LEMD3: variants seen among roughly 807,000 people sequenced by gnomAD.
The protein encoded by LEMD3 is LEM domain containing 3.
In LEMD3, 33 loss-of-function variants were observed where a neutral mutation model predicts 95.2. The observed-to-expected ratio is 0.35, with a 90% confidence interval of 0.26 to 0.46. The LOEUF (loss-of-function observed/expected upper bound fraction) is 0.46, where lower values mean the gene tolerates loss of function less well. LEMD3 is among the 20% of genes least tolerant of loss of function. The pLI is 1.00. For missense variants in LEMD3, 1,210 were observed against 1,192.8 expected (o/e 1.01, Z -0.21); for synonymous variants, 525 against 474.6 (o/e 1.11, Z -1.38).
chr12:65,214,808 G>A (rs1160652467), intron 2 of LEMD3, among the ~76,000 whole-genome samples: 1 of 152,098 alleles, frequency 6.6e-6, no homozygotes, highest in Non-Finnish European at 1.5e-5. Flanking sequence ...AGTGCAATAA[G>A]CTATTACCCC....
Position 65,170,139 on chromosome 12 carries a change from G to C in LEMD3, c.543G>C (p.Glu181Asp), listed in dbSNP as rs868042374. The change falls in exon 1 of 13, where the codon GAG becomes GAC. Residue 181 changes from glutamate (E) to aspartate (D), a missense_variant. Physicochemically the swap from Glu to Asp is conservative, Grantham distance 45 (BLOSUM62 2). This residue lies in a region of LEMD3 where 749 missense variants were observed against 622.9 expected (regional missense o/e 1.20). Transcript: ENST00000308330. ...CGCCGGCGCCCCTGGCCGCCAGCGA[G>C]GTGACTAACAGCAACTCTGCAGAGC... ...KAPPAPLAAS[E>D]VTNSNSAERR... 8 of 1,470,688 alleles carry C rather than the reference G, an allele frequency of 5.4e-6. No homozygotes were observed. Among genetic ancestry groups the C allele is most frequent in the Non-Finnish European group, 7.2e-6 (8 of 1,116,512 alleles). The allele number at this position is 1,470,688 out of a possible 1,614,324, so 91.1% of individuals were successfully genotyped here.
Position 65,246,942 on chromosome 12 carries a change from A to G in LEMD3, c.*617A>G, listed in dbSNP as rs1211289114. The G allele has an allele frequency of 6.5e-6, 1 of 154,582 alleles. No individual in the cohort carries two copies. Among genetic ancestry groups the G allele is most frequent in the African/African-American group, 2.4e-5 (1 of 41,442 alleles). 9.6% of individuals were successfully genotyped at this position (154,582 alleles called of 1,614,324 possible). The stretch of plus-strand genomic sequence containing the variant: ...GTGGTGGTGAAAGTAGTCTTGTTTT[A>G]TGAGGATGTCTGCATTAAAGCAGTA... On this transcript the variant is annotated 3_prime_UTR_variant, in exon 13 of 13. Coordinates refer to ENST00000308330, the MANE Select transcript of LEMD3 (RefSeq NM_014319.5).
At chr12:65,176,466 T>G (rs1046033353) in intron 1 of LEMD3, among the ~76,000 whole-genome samples, 1 of 152,212 alleles carries the variant, frequency 6.6e-6, no homozygotes, top group African/African-American at 2.4e-5. Flanking sequence ...TGACTCTCCA[T>G]CTTTTTACCC....
intron 1 of LEMD3, among the ~76,000 whole-genome samples, chr12:65,187,084 A>T (rs572663263): frequency 6.6e-6 from 1 of 152,104 alleles, no homozygotes; most frequent in South Asian, 2.1e-4. Context: ...GGATACACTG[A>T]ATGAATAAAA....
chr12:65,238,901 T>G, intron 6 of LEMD3, 87 bp downstream of exon 6: 2 of 1,279,990 alleles, frequency 1.6e-6, no homozygotes, highest in South Asian at 1.2e-5. Context: ...GAATTCATTT[T>G]TGTGATGGTT....
intron 1 of LEMD3, among the ~76,000 whole-genome samples, chr12:65,210,127 AATG>A (rs1230725544): frequency 2.3e-5 from 1 of 43,822 alleles, no homozygotes; most frequent in Admixed American, 2.7e-4. Flanking sequence ...TTTAGAGGTG[AATG>A]AAGGAGGGGC....
At position 65,197,858 on chromosome 12, in the gene LEMD3, C is replaced by A. The variant is rs910128547; in HGVS notation, c.1523-13068C>A. Among the ~76,000 whole-genome samples, 8 of 152,216 alleles carry A rather than the reference C, an allele frequency of 5.3e-5. 2 individuals carry two copies. Among genetic ancestry groups the A allele is most frequent in the Admixed American group, 5.2e-4 (8 of 15,272 alleles). Reference sequence around the variant, plus strand: ...AAACTACTACTATTTAAGTCTTACTCATTTTATTTCTCTGTGCGTTTGCTC... The same window carrying A: ...AAACTACTACTATTTAAGTCTTACTAATTTTATTTCTCTGTGCGTTTGCTC... On this transcript the variant is annotated intron_variant, in intron 1 of 12. Coordinates refer to ENST00000308330, the MANE Select transcript of LEMD3 (RefSeq NM_014319.5).
At chr12:65,221,480 C>T (rs1870286198) in intron 4 of LEMD3, among the ~76,000 whole-genome samples, 1 of 151,900 alleles carries the variant, frequency 6.6e-6, no homozygotes, top group Non-Finnish European at 1.5e-5. Flanking sequence ...GCCTTGGCCT[C>T]CTAAAGCACG....
chr12:65,198,588 C>T (rs1330589927), intron 1 of LEMD3, among the ~76,000 whole-genome samples: 1 of 151,988 alleles, frequency 6.6e-6, no homozygotes, highest in African/African-American at 2.4e-5. Context: ...ATATTAGTGC[C>T]TCGGTATCCG....
At chr12:65,219,085 T>G (rs1391464544) in intron 4 of LEMD3, among the ~76,000 whole-genome samples, 3 of 152,092 alleles carry the variant, frequency 2.0e-5, no homozygotes, top group Non-Finnish European at 4.4e-5. Context: ...AGCCACCTGT[T>G]CAATTTTTTT....
intron 1 of LEMD3, chr12:65,171,939 A>T (rs1367911624): frequency 6.6e-6 from 1 of 152,172 alleles, no homozygotes; most frequent in Non-Finnish European, 1.5e-5. Context: ...TTCCTTTTTT[A>T]AAAAAATTTA....
intron 10 of LEMD3, among the ~76,000 whole-genome samples, chr12:65,245,010 A>G (rs951282730): frequency 1.3e-5 from 2 of 152,180 alleles, no homozygotes; most frequent in African/African-American, 4.8e-5. Flanking sequence ...TAAAGTACTT[A>G]TTAACAATAG....
At chr12:65,225,730 G>A (rs1383660533) in intron 4 of LEMD3, among the ~76,000 whole-genome samples, 7 of 152,096 alleles carry the variant, frequency 4.6e-5, no homozygotes, top group East Asian at 1.9e-4. Context: ...ACAGGTGCCC[G>A]CCACCATGCC....
In LEMD3 at chr12:65,169,881, G is replaced by T. The variant is rs946036522; in HGVS notation, c.285G>T (p.Ser95=). The part of the protein sequence containing the change: ...AAAGMGVRPV[S]GDLSYLRTPG... The stretch of plus-strand genomic sequence containing the variant: ...CGGGGATGGGGGTCCGGCCGGTCTC[G>T]GGCGACCTCTCCTACTTACGGACTC... The change falls in exon 1 of 13, where the codon TCG becomes TCT. Residue 95 remains serine (S), a synonymous_variant. Transcript: ENST00000308330. 1 of 1,452,156 alleles carries T rather than the reference G, an allele frequency of 6.9e-7. No homozygotes were observed. The allele number at this position is 1,452,156 out of a possible 1,614,324, so 90.0% of individuals were successfully genotyped here. A position where few individuals can be genotyped will look rare whatever the true frequency, so the allele number is the denominator to read the frequency against.
intron 1 of LEMD3, among the ~76,000 whole-genome samples, chr12:65,202,139 G>A (rs997769827): frequency 6.6e-6 from 1 of 151,686 alleles, no homozygotes; most frequent in African/African-American, 2.4e-5. Context: ...GAGTAGTTGG[G>A]ATTACAAGCT....
intron 1 of LEMD3, among the ~76,000 whole-genome samples, chr12:65,186,035 G>C (rs1156636491): frequency 2.6e-5 from 4 of 151,996 alleles, no homozygotes; most frequent in Non-Finnish European, 5.9e-5. Context: ...ATTTCATGCT[G>C]AGATTGGGAA....
chr12:65,231,302 G>C (rs1870618871), intron 4 of LEMD3, among the ~76,000 whole-genome samples: 1 of 152,020 alleles, frequency 6.6e-6, no homozygotes, highest in Non-Finnish European at 1.5e-5. Flanking sequence ...CTTTAAACAG[G>C]ATTTTTTTCC....
In LEMD3 at chr12:65,170,167, A is replaced by T; in HGVS notation, c.571A>T (p.Arg191Trp). ...EVTNSNSAER[R>W]KPHSWWGARR... ...GACTAACAGCAACTCTGCAGAGCGA[A>T]GGAAGCCCCACTCGTGGTGGGGGGC... is the stretch of plus-strand genomic sequence containing the variant. The change falls in exon 1 of 13, where the codon AGG becomes TGG. Residue 191 changes from arginine (R) to tryptophan (W), a missense_variant. Transcript: ENST00000308330. The T allele has an allele frequency of 6.7e-7, 1 of 1,491,548 alleles. No individual in the cohort carries two copies. Among genetic ancestry groups the T allele is most frequent in the South Asian group, 1.4e-5 (1 of 72,370 alleles). The allele number at this position is 1,491,548 out of a possible 1,614,324, so 92.4% of individuals were successfully genotyped here. A position where few individuals can be genotyped will look rare whatever the true frequency, so the allele number is the denominator to read the frequency against.
At chr12:65,190,053 C>A (rs1164269444) in intron 1 of LEMD3, among the ~76,000 whole-genome samples, 1 of 152,100 alleles carries the variant, frequency 6.6e-6, no homozygotes, top group Non-Finnish European at 1.5e-5. Context: ...TAAAGTAAAC[C>A]TTAGTTCTTT....
Sources: gnomAD v4.1 joint callset for allele counts (sites outside exome capture counted in the v4.1 genomes callset) on GRCh38, gnomAD v4.1.1 for gene constraint, gnomAD v4.1.1 regional missense constraint, MANE v1.5 for transcripts, NCBI Gene and HGNC (gene_info 2026-07-23, HGNC 2026-07-21) for gene names.